TEX26: variants seen among roughly 807,000 people sequenced by gnomAD.
TEX26 encodes the protein testis-expressed protein 26.
In TEX26, 34 loss-of-function variants were observed where a neutral mutation model predicts 35.3. That is an observed-to-expected ratio of 0.96 (90% CI 0.73 to 1.28). The LOEUF is 1.28. Among genes scored for constraint, TEX26 ranks in the 50% most tolerant of loss-of-function variants. The pLI is 0.00. For missense variants in TEX26, 371 were observed against 330.1 expected (o/e 1.12, Z -0.96); for synonymous variants, 136 against 111.8 (o/e 1.22, Z -1.36).
chr13:30,956,389 C>A (rs1031504151), intron 3 of TEX26, among the ~76,000 whole-genome samples: 1 of 151,920 alleles, frequency 6.6e-6, no homozygotes, highest in African/African-American at 2.4e-5. Context: ...TGTATATGTG[C>A]CACATTTTCT....
chr13:30,940,216 C>A (rs978919120), intron 2 of TEX26, among the ~76,000 whole-genome samples: 1 of 151,636 alleles, frequency 6.6e-6, no homozygotes, highest in Non-Finnish European at 1.5e-5. Context: ...AGGCCACTGT[C>A]CCCCTCTTCT....
intron 6 of TEX26, among the ~76,000 whole-genome samples, 195 bp downstream of exon 6, chr13:30,969,241 T>C (rs1964868460): frequency 6.6e-6 from 1 of 151,852 alleles, no homozygotes; most frequent in Non-Finnish European, 1.5e-5. Flanking sequence ...GGAGGCCCAG[T>C]GACTATATCC....
intron 2 of TEX26, among the ~76,000 whole-genome samples, chr13:30,943,498 A>G (rs1427723441): frequency 6.6e-6 from 1 of 152,098 alleles, no homozygotes; most frequent in East Asian, 1.9e-4. Context: ...TTCCAGTACT[A>G]TGTTGAATAG....
At chr13:30,951,111 G>T (rs1223707391) in intron 2 of TEX26, among the ~76,000 whole-genome samples, 1 of 152,176 alleles carries the variant, frequency 6.6e-6, no homozygotes, top group Non-Finnish European at 1.5e-5. Context: ...CTACTTGGGA[G>T]TTTGAGGTAG....
At chr13:30,943,645 G>A (rs1046293016) in intron 2 of TEX26, among the ~76,000 whole-genome samples, 9 of 151,858 alleles carry the variant, frequency 5.9e-5, no homozygotes, top group Middle Eastern at 3.4e-3. Context: ...TTCCTTAGAC[G>A]TCTAGTTTGT....
chr13:30,936,304 C>A (rs1953270351), intron 1 of TEX26, among the ~76,000 whole-genome samples: 1 of 152,138 alleles, frequency 6.6e-6, no homozygotes, highest in African/African-American at 2.4e-5. Flanking sequence ...TCAAGGTTAG[C>A]AGAATGAGGC....
At chr13:30,962,024 A>G (rs1216694158) in intron 4 of TEX26, among the ~76,000 whole-genome samples, 1 of 152,094 alleles carries the variant, frequency 6.6e-6, no homozygotes, top group Non-Finnish European at 1.5e-5. Flanking sequence ...TGAAAGCCTC[A>G]TGAGCATTCC....
chr13:30,947,812 A>G (rs1228091085), intron 2 of TEX26, among the ~76,000 whole-genome samples: 2 of 152,068 alleles, frequency 1.3e-5, no homozygotes, highest in African/African-American at 4.8e-5. Flanking sequence ...ATATGTATAC[A>G]TGTGCCGTGT....
chr13:30,954,876 C>T (rs1954068874), intron 3 of TEX26, among the ~76,000 whole-genome samples: 1 of 152,208 alleles, frequency 6.6e-6, no homozygotes, highest in Admixed American at 6.5e-5. Flanking sequence ...TTCCCTTCCT[C>T]TAAGTACTAT....
rs143403375 is a variant in TEX26 at position 30,962,391 on chromosome 13, G to C, written c.470-3831G>C. Among the ~76,000 whole-genome samples the C allele has an allele frequency of 4.7e-3, 721 of 152,212 alleles. 10 individuals carry two copies. Among genetic ancestry groups the C allele is most frequent in the African/African-American group, 0.016 (673 of 41,524 alleles). ...CAGCCTCCGCATACCTCCATGCCTC[G>C]TGGCCTTGTGCTGGTGGCACACATT... is the stretch of plus-strand genomic sequence containing the variant. On this transcript the variant is annotated intron_variant, in intron 4 of 6. Coordinates refer to ENST00000380473, the MANE Select transcript of TEX26 (RefSeq NM_152325.3).
intron 2 of TEX26, among the ~76,000 whole-genome samples, chr13:30,942,926 G>T (rs752123437): frequency 6.6e-6 from 1 of 151,816 alleles, no homozygotes; most frequent in Non-Finnish European, 1.5e-5. Flanking sequence ...GTAATGTGAT[G>T]CCTTCAGATT....
intron 6 of TEX26, among the ~76,000 whole-genome samples, chr13:30,974,175 T>C (rs1268222840): frequency 5.0e-5 from 7 of 141,156 alleles, no homozygotes; most frequent in Admixed American, 4.3e-4. Context: ...TAAGGAATCA[T>C]AGATGTTCAG....
chr13:30,941,530 GT>G (rs979246178), intron 2 of TEX26, among the ~76,000 whole-genome samples: 5 of 152,188 alleles, frequency 3.3e-5, no homozygotes, highest in African/African-American at 1.2e-4. Flanking sequence ...GGTACAGGTG[GT>G]TTTTGGTTAC....
intron 4 of TEX26, among the ~76,000 whole-genome samples, chr13:30,963,870 G>C (rs1260792647): frequency 6.6e-6 from 1 of 152,002 alleles, no homozygotes; most frequent in Non-Finnish European, 1.5e-5. Flanking sequence ...CCTTTTCTGG[G>C]TCTTCATCTC....
rs778112782 is a variant in TEX26 at position 30,966,476 on chromosome 13, C to A, written c.646+78C>A. ...TTTTGAGACGGAGTTTCCCTCTTGTCGCCCAGGCTGGAGTGCAGTGGCACA... is the reference window on the plus strand; with the variant it reads ...TTTTGAGACGGAGTTTCCCTCTTGTAGCCCAGGCTGGAGTGCAGTGGCACA... On this transcript the variant is annotated intron_variant, in intron 5 of 6. Coordinates refer to ENST00000380473, the MANE Select transcript of TEX26 (RefSeq NM_152325.3). 63 of 1,326,974 alleles carry A rather than the reference C, an allele frequency of 4.7e-5. 1 individual carries two copies. Among genetic ancestry groups the A allele is most frequent in the Non-Finnish European group, 5.7e-5 (57 of 1,008,524 alleles). 82.2% of individuals were successfully genotyped at this position (1,326,974 alleles called of 1,614,324 possible).
At chr13:30,955,211 T>A (rs1954082480) in intron 3 of TEX26, among the ~76,000 whole-genome samples, 1 of 152,226 alleles carries the variant, frequency 6.6e-6, no homozygotes, top group Non-Finnish European at 1.5e-5. Context: ...CATAATGTTT[T>A]AAATAAGTTT....
intron 2 of TEX26, among the ~76,000 whole-genome samples, chr13:30,948,253 C>T (rs1025047127): frequency 6.6e-6 from 1 of 152,142 alleles, no homozygotes; most frequent in Non-Finnish European, 1.5e-5. Context: ...GGGTACATAC[C>T]TAGTAATGGG....
intron 2 of TEX26, among the ~76,000 whole-genome samples, chr13:30,944,481 A>G (rs997978437): frequency 2.0e-5 from 3 of 151,388 alleles, no homozygotes; most frequent in Admixed American, 6.6e-5. Context: ...TTCTTGTACT[A>G]GCTTTGGGTT....
intron 2 of TEX26, among the ~76,000 whole-genome samples, chr13:30,949,924 A>G (rs1181622387): frequency 6.6e-6 from 1 of 152,234 alleles, no homozygotes; most frequent in African/African-American, 2.4e-5. Flanking sequence ...GTCAGCCTAT[A>G]CTTTCATTTA....
Sources: gnomAD v4.1 joint callset for allele counts (sites outside exome capture counted in the v4.1 genomes callset) on GRCh38, gnomAD v4.1.1 for gene constraint, MANE v1.5 for transcripts, NCBI Gene and HGNC (gene_info 2026-07-23, HGNC 2026-07-21) for gene names.